The following RERE variants were observed in gnomAD, a reference collection of about 807,000 sequenced individuals.
The protein encoded by RERE is arginine-glutamic acid dipeptide repeats protein.
RERE carries 40 observed loss-of-function variants against 146.1 expected under a neutral mutation model. The observed-to-expected ratio is 0.27, with a 90% CI of 0.21 to 0.36. The LOEUF is 0.36. Among genes scored for constraint, RERE ranks in the 10% least tolerant of loss-of-function variants. The probability of loss-of-function intolerance (pLI) is 1.00; values close to 1 mark genes in which losing one functional copy is unlikely to be tolerated. For missense variants in RERE, 1,933 were observed against 2,138.7 expected (o/e 0.90, Z 1.90); for synonymous variants, 1,003 against 866.0 (o/e 1.16, Z -2.78).
intron 12 of RERE, 54 bp from the exon 13 acceptor site, chr1:8,366,028 C>T (rs1641792530): frequency 6.4e-7 from 1 of 1,560,870 alleles, no homozygotes; most frequent in Non-Finnish European, 8.8e-7. Context: ...TTCCGTGCCC[C>T]ACGCACCCTC....
At chr1:8,620,322 G>A (rs1391492774) in intron 3 of RERE, among the ~76,000 whole-genome samples, 1 of 152,182 alleles carries the variant, frequency 6.6e-6, no homozygotes, top group Non-Finnish European at 1.5e-5. Context: ...AGAGACGGCT[G>A]TGCACACACT....
intron 10 of RERE, among the ~76,000 whole-genome samples, chr1:8,477,946 T>C (rs535231910): frequency 2.6e-5 from 4 of 152,324 alleles, no homozygotes; most frequent in African/African-American, 9.6e-5. Flanking sequence ...TTCTAAAAAC[T>C]TCAGCCAAGA....
chr1:8,415,425 G>T (rs1251404971), intron 12 of RERE, among the ~76,000 whole-genome samples: 2 of 152,140 alleles, frequency 1.3e-5, no homozygotes, highest in Non-Finnish European at 2.9e-5. Context: ...GCAACATTTT[G>T]TTCAATAACA....
chr1:8,518,951 C>T (rs1645455469), intron 7 of RERE, among the ~76,000 whole-genome samples: 2 of 152,194 alleles, frequency 1.3e-5, no homozygotes, highest in Non-Finnish European at 2.9e-5. Flanking sequence ...AATAAACAAA[C>T]AAACATTAAA....
At chr1:8,524,350 A>C (rs890247741) in intron 7 of RERE, among the ~76,000 whole-genome samples, 4 of 152,214 alleles carry the variant, frequency 2.6e-5, no homozygotes, top group Non-Finnish European at 5.9e-5. Context: ...ATTATACTTC[A>C]GTAATATTTT....
chr1:8,780,093 A>C (rs1641138426), intron 1 of RERE, among the ~76,000 whole-genome samples: 1 of 152,126 alleles, frequency 6.6e-6, no homozygotes. Flanking sequence ...TCAGGTGGCA[A>C]GATTCTGTCT....
chr1:8,612,456 A>G (rs985540394), intron 4 of RERE, among the ~76,000 whole-genome samples: 1 of 152,242 alleles, frequency 6.6e-6, no homozygotes, highest in African/African-American at 2.4e-5. Context: ...TTATCCTTTC[A>G]CTACAGAATC....
intron 6 of RERE, among the ~76,000 whole-genome samples, chr1:8,554,029 T>G (rs1645973007): frequency 6.6e-6 from 1 of 151,788 alleles, no homozygotes; most frequent in South Asian, 2.1e-4. Context: ...ATACAAAAAT[T>G]AGCTGGGCAT....
At chr1:8,367,646 A>C (rs936222126) in intron 12 of RERE, among the ~76,000 whole-genome samples, 3 of 152,186 alleles carry the variant, frequency 2.0e-5, no homozygotes, top group Non-Finnish European at 4.4e-5. Context: ...GCATGTGCCC[A>C]CCCCTCGGTT....
chr1:8,720,222 G>A (rs1419882395), intron 1 of RERE, among the ~76,000 whole-genome samples: 2 of 150,304 alleles, frequency 1.3e-5, no homozygotes, highest in South Asian at 2.1e-4. Flanking sequence ...GCAATGAGCC[G>A]AGATCGCGCC....
At chr1:8,750,776 A>T in intron 1 of RERE, 1 of 792,278 alleles carries the variant, frequency 1.3e-6, no homozygotes, top group Non-Finnish European at 2.3e-6. Flanking sequence ...CCTTTATCAA[A>T]TCTTCAGTGG....
chr1:8,400,379 A>C (rs1006039766), intron 12 of RERE, among the ~76,000 whole-genome samples: 1 of 152,112 alleles, frequency 6.6e-6, no homozygotes, highest in Middle Eastern at 3.4e-3. Flanking sequence ...CAGCCTCCCA[A>C]GTAGTGGGAC....
chr1:8,655,927 T>C (rs752417733), intron 2 of RERE, 46 bp downstream of exon 2: 6 of 1,586,856 alleles, frequency 3.8e-6, no homozygotes, highest in South Asian at 2.3e-5. Flanking sequence ...CCAAGATCAT[T>C]CCCCCACTGT....
At chr1:8,739,208 A>G (rs1640260426) in intron 1 of RERE, among the ~76,000 whole-genome samples, 1 of 152,202 alleles carries the variant, frequency 6.6e-6, no homozygotes, top group South Asian at 2.1e-4. Flanking sequence ...GTAACACAAC[A>G]TATAATTGCC....
At chr1:8,736,185 ATCAG>A (rs1399765502) in intron 1 of RERE, among the ~76,000 whole-genome samples, 1 of 67,152 alleles carries the variant, frequency 1.5e-5, no homozygotes, top group Non-Finnish European at 2.9e-5. Context: ...CATTTAAACC[ATCAG>A]TTTGTTTGTT....
chr1:8,712,523 T>A (rs1569609865), intron 1 of RERE, among the ~76,000 whole-genome samples: 1 of 152,220 alleles, frequency 6.6e-6, no homozygotes, highest in East Asian at 1.9e-4. Context: ...TTCATTCTCT[T>A]AAGTGAAAGG....
intron 1 of RERE, among the ~76,000 whole-genome samples, chr1:8,768,485 C>G (rs1428611826): frequency 6.6e-6 from 1 of 152,212 alleles, no homozygotes; most frequent in African/African-American, 2.4e-5. Context: ...TATACTGTAT[C>G]TGTGCTGGCC....
At chr1:8,439,056 G>A (rs888493542) in intron 11 of RERE, among the ~76,000 whole-genome samples, 2 of 152,158 alleles carry the variant, frequency 1.3e-5, no homozygotes, top group Non-Finnish European at 2.9e-5. Context: ...CTGGAGAAGC[G>A]CTGGCCACGG....
chr1:8,744,049 A>G (rs1447399033), intron 1 of RERE, among the ~76,000 whole-genome samples: 1 of 152,196 alleles, frequency 6.6e-6, no homozygotes, highest in Non-Finnish European at 1.5e-5. Flanking sequence ...GTTGAATGAA[A>G]GAAAATAGAC....
Sources: allele counts gnomAD v4.1 joint callset (sites outside exome capture counted in the v4.1 genomes callset), GRCh38; gene constraint gnomAD v4.1.1; transcripts MANE v1.5; gene names NCBI Gene and HGNC (gene_info 2026-07-23, HGNC 2026-07-21).